The following ABCA9 variants were observed in gnomAD, a reference collection of about 807,000 sequenced individuals.
ABCA9 encodes ATP binding cassette subfamily A member 9.
Under a neutral mutation model 205.3 loss-of-function variants are expected in ABCA9, and 183 were observed. That is an observed-to-expected ratio of 0.89 (90% CI 0.79 to 1.01). The LOEUF is 1.01. ABCA9 is among the 50% of genes least tolerant of loss of function. ABCA9 has a pLI of 0.00. For synonymous variants in ABCA9, 651 were observed against 683.3 expected (o/e 0.95, Z 0.74); for missense variants, 1,805 against 1,912.4 (o/e 0.94, Z 1.05).
At chr17:69,070,265 A>T in the ABCA9 span, among the ~76,000 whole-genome samples, 1 of 152,212 alleles carries the variant, frequency 6.6e-6, no homozygotes, top group South Asian at 2.1e-4. Flanking sequence ...GATCAAAAAA[A>T]TACAAAAATT....
intron 1 of ABCA9, chr17:69,051,601 G>A (rs1045870581): frequency 1.8e-5 from 3 of 163,080 alleles, no homozygotes; most frequent in Admixed American, 1.8e-4. Context: ...GGTCATGAGG[G>A]GACCAGTGCA....
rs1392810754 is a variant in ABCA9, at chr17:69,027,463, G to A, written c.1792-14C>T. 6.3e-7 allele frequency: 1 copy of A among 1,597,352 alleles called. No individual in the cohort carries two copies. On this transcript the variant is annotated splice_polypyrimidine_tract_variant and intron_variant, in intron 13 of 38. Transcript: ENST00000340001. ...AACTCGTTGTACCTAATCAAATAAA[G>A]AATATTTAGTCCAAAACCCAGAAAG...
At chr17:68,996,717 A>G (rs2069638564) in intron 25 of ABCA9, among the ~76,000 whole-genome samples, 1 of 152,228 alleles carries the variant, frequency 6.6e-6, no homozygotes, top group Non-Finnish European at 1.5e-5. Context: ...GCTGATATTA[A>G]GTAAATAACT....
At position 68,980,808 on chromosome 17, in the gene ABCA9, A is replaced by G. The variant is rs1328064782; in HGVS notation, c.4720+1754T>C. On this transcript the variant is annotated intron_variant, in intron 37 of 38. Transcript: ENST00000340001. Reference sequence around the variant, plus strand: ...AGGGATAGAATTAGGAGATATACCTAATGTTAAATGACGAGTTACTGGGTG... The same window carrying G: ...AGGGATAGAATTAGGAGATATACCTGATGTTAAATGACGAGTTACTGGGTG... 2.6e-5 allele frequency among the ~76,000 whole-genome samples: 4 copies of G among 151,614 alleles called. No homozygotes were observed. The East Asian group carries it at 7.8e-4, about 29-fold the overall frequency.
the ABCA9 span, among the ~76,000 whole-genome samples, chr17:69,066,541 G>A: frequency 7.2e-5 from 11 of 151,874 alleles, no homozygotes; most frequent in Non-Finnish European, 1.2e-4. Flanking sequence ...CAGGAGAAAC[G>A]CAGTAACAGG....
rs2144499265 is a variant in ABCA9 at position 69,049,497 on chromosome 17, A to G, written c.97-7T>C. 6.3e-7 allele frequency: 1 copy of G among 1,593,502 alleles called. No individual in the cohort carries two copies. Among genetic ancestry groups the G allele is most frequent in the South Asian group, 1.1e-5 (1 of 88,642 alleles). ...GAAATGAAAAGAGCCATTCCTATAT[A>G]GCAATAAGAGAAAAAGGAAACAAAC... On this transcript the variant is annotated splice_region_variant and splice_polypyrimidine_tract_variant and intron_variant, in intron 2 of 38. Coordinates refer to ENST00000340001, the MANE Select transcript of ABCA9 (RefSeq NM_080283.4).
intron 37 of ABCA9, 33 bp from the exon 38 acceptor site, chr17:68,976,223 A>G (rs775185404): frequency 2.1e-6 from 3 of 1,459,762 alleles, no homozygotes; most frequent in Non-Finnish European, 1.9e-6. Context: ...TAGGAATTCT[A>G]TTTTTTTTTT....
At chr17:69,044,342 C>T (rs1170981041) in intron 5 of ABCA9, among the ~76,000 whole-genome samples, 155 bp downstream of exon 5, 1 of 152,102 alleles carries the variant, frequency 6.6e-6, no homozygotes, top group Non-Finnish European at 1.5e-5. Context: ...TTTCTGATCC[C>T]CAGTACTTAG....
At chr17:69,015,969 TTGTGTG>T (rs3046825) in intron 22 of ABCA9, among the ~76,000 whole-genome samples, 8,643 of 148,090 alleles carry the variant, frequency 0.058, 813 homozygotes, top group African/African-American at 0.2. Context: ...CAATTCTAAA[TTGTGTG>T]TGTGTGTGTG....
chr17:69,058,457 G>A lies in ABCA9; in HGVS notation c.-14+2409C>T, dbSNP rs560044472. ...TCAAGGGGGTAGTACCAGAGATGGA[G>A]CCTATCCATGGTCTATTGCAGGGAA... On this transcript the variant is annotated intron_variant, in intron 1 of 38. Coordinates refer to ENST00000340001, the MANE Select transcript of ABCA9 (RefSeq NM_080283.4). Among the ~76,000 whole-genome samples the A allele has an allele frequency of 2.6e-5, 4 of 152,260 alleles. No individual in the cohort carries two copies. The East Asian group carries it at 7.7e-4, about 29-fold the overall frequency.
chr17:68,982,553 C>A lies in ABCA9; in HGVS notation c.4720+9G>T, dbSNP rs369401701. The stretch of plus-strand genomic sequence containing the variant: ...TCCCAGAGTTTTGTCTCTAAACAGT[C>A]ACTCTTACCTATCTCTAATTTGAAG... On this transcript the variant is annotated intron_variant, in intron 37 of 38. Transcript: ENST00000340001. The A allele has an allele frequency of 5.6e-6, 9 of 1,608,962 alleles. No homozygotes were observed. In the African/African-American group the frequency reaches 1.2e-4, roughly 22 times the overall value.
chr17:69,066,131 T>C, the ABCA9 span, among the ~76,000 whole-genome samples: 1 of 152,118 alleles, frequency 6.6e-6, no homozygotes, highest in Non-Finnish European at 1.5e-5. Context: ...TGCATATGGG[T>C]TCCATGCCCC....
chr17:69,023,441 T>C lies in ABCA9; in HGVS notation c.2281+773A>G, dbSNP rs938251493. Among the ~76,000 whole-genome samples the C allele has an allele frequency of 5.9e-5, 9 of 152,190 alleles. No individual in the cohort carries two copies. The highest frequency in any genetic ancestry group is 1.3e-4 in the Non-Finnish European group (9 of 68,022). ...ATAGAGCTAATAATAGCATAGCTGG[T>C]GTTTGAATCTAGACTGGCTCTAGCA... On this transcript the variant is annotated intron_variant, in intron 17 of 38. Coordinates refer to ENST00000340001, the MANE Select transcript of ABCA9 (RefSeq NM_080283.4). This position sits in a 1 kb window ranked among gnomAD's most constrained non-coding sequence, Gnocchi z 4.2.
chr17:69,031,323 T>C (rs2071141630), intron 10 of ABCA9, among the ~76,000 whole-genome samples: 1 of 152,220 alleles, frequency 6.6e-6, no homozygotes, highest in African/African-American at 2.4e-5. Flanking sequence ...TTGAAAAGAT[T>C]GCTATGTTTA....
At chr17:69,024,173 C>G (rs1297407892) in intron 17 of ABCA9, 41 bp downstream of exon 17, 4 of 1,605,332 alleles carry the variant, frequency 2.5e-6, no homozygotes, top group Non-Finnish European at 3.4e-6. Context: ...TTGTTAATAA[C>G]ACCATTCCAA....
At chr17:68,976,534 T>G (rs544431383) in intron 37 of ABCA9, among the ~76,000 whole-genome samples, 56 of 152,186 alleles carry the variant, frequency 3.7e-4, no homozygotes, top group Non-Finnish European at 5.7e-4. Flanking sequence ...CAAAGGCTGA[T>G]GTAACAGATG....
chr17:69,072,315 T>C, the ABCA9 span, among the ~76,000 whole-genome samples: 4 of 151,818 alleles, frequency 2.6e-5, no homozygotes, highest in Non-Finnish European at 5.9e-5. Context: ...AAGGTTGAAA[T>C]GAGGGAAAAA....
Position 69,016,234 on chromosome 17 carries a change from G to A in ABCA9, c.3039+19C>T, listed in dbSNP as rs374502007. On this transcript the variant is annotated intron_variant, in intron 22 of 38. Transcript: ENST00000340001. ...AAACTTATCATGGCACAGTATAAATGAGATATAATTATACTTACTTCAAAA... is the reference window on the plus strand; with the variant it reads ...AAACTTATCATGGCACAGTATAAATAAGATATAATTATACTTACTTCAAAA... The A allele has an allele frequency of 7.8e-6, 12 of 1,539,336 alleles. No homozygotes were observed. The highest frequency in any genetic ancestry group is 5.0e-5 in the South Asian group (4 of 79,442).
chr17:68,990,342 A>C (rs1461928642), intron 29 of ABCA9, among the ~76,000 whole-genome samples: 2 of 152,224 alleles, frequency 1.3e-5, no homozygotes, highest in African/African-American at 2.4e-5. Context: ...ACAACCCTGA[A>C]AAATAAATCA....
Sources: gnomAD v4.1 joint callset for allele counts (sites outside exome capture counted in the v4.1 genomes callset) on GRCh38, gnomAD v4.1.1 for gene constraint, Gnocchi (gnomAD v3.1) non-coding constraint, MANE v1.5 for transcripts, NCBI Gene and HGNC (gene_info 2026-07-23, HGNC 2026-07-21) for gene names.